Variants in MYO1D observed in about 807,000 individuals in gnomAD.
MYO1D encodes unconventional myosin-Id.
In MYO1D, 83 loss-of-function variants were observed where a neutral mutation model predicts 122.0. That is an observed-to-expected ratio of 0.68 (90% CI 0.57 to 0.82). MYO1D has a LOEUF of 0.82. Ranked by LOEUF, MYO1D falls within the 40% of genes least tolerant of loss-of-function variation. The probability of loss-of-function intolerance (pLI) is 0.00; values close to 1 mark genes in which losing one functional copy is unlikely to be tolerated. For missense variants in MYO1D, 1,157 were observed against 1,269.5 expected, an observed-to-expected ratio of 0.91 and a Z score of 1.35; for synonymous variants, 464 against 446.9, an observed-to-expected ratio of 1.04 and a Z score of -0.48.
At chr17:32,577,180 G>A (rs1186503173) in intron 21 of MYO1D, among the ~76,000 whole-genome samples, 1 of 152,066 alleles carries the variant, frequency 6.6e-6, no homozygotes, top group African/African-American at 2.4e-5. Context: ...GAACCCGGGA[G>A]GCGGAGCTTG....
chr17:32,832,419 C>A (rs1204020931), intron 1 of MYO1D, among the ~76,000 whole-genome samples: 1 of 151,960 alleles, frequency 6.6e-6, no homozygotes, highest in Non-Finnish European at 1.5e-5. Context: ...CCTGCCTCAG[C>A]CTCCCGAGTA....
intron 7 of MYO1D, among the ~76,000 whole-genome samples, 159 bp from the exon 8 acceptor site, chr17:32,765,240 T>C (rs2151019258): frequency 6.6e-6 from 1 of 152,346 alleles, no homozygotes; most frequent in Non-Finnish European, 1.5e-5. Flanking sequence ...ACTTTTTCCC[T>C]TTCTCCGGAC....
At chr17:32,519,518 G>A (rs1280668278) in intron 21 of MYO1D, among the ~76,000 whole-genome samples, 1 of 151,934 alleles carries the variant, frequency 6.6e-6, no homozygotes, top group East Asian at 1.9e-4. Flanking sequence ...CGACGCGGTC[G>A]CCAAGGCAAC....
At chr17:32,810,047 C>CT (rs1381250582) in intron 1 of MYO1D, among the ~76,000 whole-genome samples, 1 of 152,074 alleles carries the variant, frequency 6.6e-6, no homozygotes, top group Non-Finnish European at 1.5e-5. Flanking sequence ...TGCAGGTGAC[C>CT]TTGACAGGCA....
At chr17:32,636,844 C>G (rs1008184516) in intron 20 of MYO1D, among the ~76,000 whole-genome samples, 2 of 152,168 alleles carry the variant, frequency 1.3e-5, no homozygotes, top group African/African-American at 4.8e-5. Context: ...AGCCTGAGGG[C>G]AGCTTTTTGA....
chr17:32,818,879 T>C (rs752899387), intron 1 of MYO1D, among the ~76,000 whole-genome samples: 2 of 152,200 alleles, frequency 1.3e-5, no homozygotes, highest in African/African-American at 2.4e-5. Flanking sequence ...CAAAATCTTA[T>C]GAAGTTCTGC....
chr17:32,524,782 T>C (rs538117294), intron 21 of MYO1D, among the ~76,000 whole-genome samples: 56 of 152,254 alleles, frequency 3.7e-4, no homozygotes, highest in South Asian at 8.3e-4. Context: ...AGGCTGGTCT[T>C]GAACTCCTGA....
chr17:32,815,703 A>G (rs2090607510), intron 1 of MYO1D, among the ~76,000 whole-genome samples: 1 of 152,150 alleles, frequency 6.6e-6, no homozygotes, highest in African/African-American at 2.4e-5. Flanking sequence ...CTCTGTGCAG[A>G]GTTCATTGGC....
At chr17:32,566,471 C>G (rs384257) in intron 21 of MYO1D, among the ~76,000 whole-genome samples, 59,921 of 151,678 alleles carry the variant, frequency 0.4, 12,091 homozygotes, top group East Asian at 0.61. Context: ...AGGAAAGCTG[C>G]TGTGGCCTGC....
chr17:32,751,284 C>T (rs371869087), intron 11 of MYO1D, among the ~76,000 whole-genome samples: 120 of 152,108 alleles, frequency 7.9e-4, no homozygotes, highest in Non-Finnish European at 1.4e-3. Flanking sequence ...ATCAGTAACC[C>T]GTAGCAAATG....
At chr17:32,842,840 G>A (rs146442872) in intron 1 of MYO1D, among the ~76,000 whole-genome samples, 118 of 149,092 alleles carry the variant, frequency 7.9e-4, no homozygotes, top group African/African-American at 2.7e-3. Flanking sequence ...CAAGTTTTTC[G>A]TACTCAACAC....
chr17:32,679,692 G>A (rs2088878722), intron 16 of MYO1D, among the ~76,000 whole-genome samples: 1 of 152,198 alleles, frequency 6.6e-6, no homozygotes. Context: ...GTCAGGTAGT[G>A]TGATTCCTCC....
chr17:32,707,240 C>A (rs321180), intron 16 of MYO1D, among the ~76,000 whole-genome samples: 74,972 of 151,742 alleles, frequency 0.49, 18,821 homozygotes, highest in East Asian at 0.73. Flanking sequence ...ATCAATAAGT[C>A]ACAAGAGAGG....
Position 32,765,018 on chromosome 17 carries a change from T to C in MYO1D, c.895A>G (p.Ile299Val). Reference sequence around the variant, plus strand: ...TTAGTAGAGAGCAATTCTGCTATGATAGATACTACTTTGCCATTCTCAATA... The same window carrying C: ...TTAGTAGAGAGCAATTCTGCTATGACAGATACTACTTTGCCATTCTCAATA... ...PLIENGKVVS[I>V]IAELLSTKTD... Residue 299 changes from isoleucine (I) to valine (V), a missense_variant, in exon 8 of 22, where the codon ATC (isoleucine) becomes GTC (valine). Transcript: ENST00000318217. 2 of 1,614,160 alleles carry C rather than the reference T, an allele frequency of 1.2e-6. No individual in the cohort carries two copies. Among genetic ancestry groups the C allele is most frequent in the Middle Eastern group, 1.7e-4 (1 of 6,044 alleles).
At chr17:32,657,360 C>T (rs2088492087) in intron 17 of MYO1D, among the ~76,000 whole-genome samples, 1 of 152,210 alleles carries the variant, frequency 6.6e-6, no homozygotes, top group South Asian at 2.1e-4. Flanking sequence ...CAAATCTGGC[C>T]AATGGTCTGT....
chr17:32,628,636 T>C (rs1337529485), intron 20 of MYO1D, among the ~76,000 whole-genome samples: 1 of 152,210 alleles, frequency 6.6e-6, no homozygotes, highest in African/African-American at 2.4e-5. Flanking sequence ...TAAAGATTAA[T>C]TGATAATCCA....
intron 1 of MYO1D, among the ~76,000 whole-genome samples, chr17:32,869,415 G>A (rs1021333502): frequency 1.3e-5 from 2 of 152,162 alleles, no homozygotes; most frequent in Non-Finnish European, 2.9e-5. Context: ...AGGCCATGTC[G>A]GTGAGGCTCA....
chr17:32,693,186 T>C (rs993644450), intron 16 of MYO1D, among the ~76,000 whole-genome samples: 5 of 152,240 alleles, frequency 3.3e-5, no homozygotes, highest in African/African-American at 1.2e-4. Context: ...AATTAATTCC[T>C]TACAAAGAGT....
chr17:32,568,504 T>C (rs906645106), intron 21 of MYO1D, among the ~76,000 whole-genome samples: 1 of 152,248 alleles, frequency 6.6e-6, no homozygotes, highest in Non-Finnish European at 1.5e-5. Context: ...TCATTTGCTT[T>C]ATATAACCTA....
Sources: gnomAD v4.1 joint callset for allele counts (sites outside exome capture counted in the v4.1 genomes callset) on GRCh38, gnomAD v4.1.1 for gene constraint, MANE v1.5 for transcripts, NCBI Gene and HGNC (gene_info 2026-07-23, HGNC 2026-07-21) for gene names.